RNF213: variants seen among roughly 807,000 people sequenced by gnomAD.
The protein encoded by RNF213 is E3 ubiquitin-protein ligase RNF213.
RNF213 carries 341 observed loss-of-function variants against 514.4 expected under a neutral mutation model. The observed-to-expected ratio is 0.66, with a 90% CI of 0.61 to 0.73. The LOEUF is 0.73. RNF213 is among the 30% of genes least tolerant of loss of function. The pLI is 0.00. For missense variants in RNF213, 5,767 were observed against 6,615.6 expected (o/e 0.87, Z 4.45); for synonymous variants, 2,655 against 2,658.2 (o/e 1.00, Z 0.04).
At position 80,383,761 on chromosome 17, in the gene RNF213, T is replaced by A; in HGVS notation, c.14155T>A (p.Tyr4719Asn). 6.2e-7 allele frequency: 1 copy of A among 1,613,958 alleles called. No homozygotes were observed. The highest frequency in any genetic ancestry group is 8.5e-7 in the Non-Finnish European group (1 of 1,180,004). Residue 4719 changes from tyrosine to asparagine, a missense_variant, in exon 59 of 68, where the codon TAT (tyrosine) becomes AAT (asparagine). Tyr to Asn is a moderately radical substitution (Grantham distance 143, BLOSUM62 -2). Transcript: ENST00000582970. ...CTCTAACCCTGTGGCCAAAATAATATATGGTGACCCAGTGACCTTCCTGCC... is the reference window on the plus strand; with the variant it reads ...CTCTAACCCTGTGGCCAAAATAATAAATGGTGACCCAGTGACCTTCCTGCC... ...ISSNPVAKII[Y>N]GDPVTFLPHL... is the part of the protein sequence containing the mutation.
rs540042327 is a variant in RNF213, at chr17:80,264,387, G to A, written c.97+609G>A. On this transcript the variant is annotated intron_variant, in intron 2 of 67. Transcript: ENST00000582970. This position sits in a 1 kb window ranked among gnomAD's most constrained non-coding sequence, Gnocchi z 5.0. Reference sequence around the variant, plus strand: ...GAGGCCAGTGGAGAGACAGGAGCGGGGCAGTGTCAGGCGGGCCTTGCCTGC... The same window carrying A: ...GAGGCCAGTGGAGAGACAGGAGCGGAGCAGTGTCAGGCGGGCCTTGCCTGC... Among the ~76,000 whole-genome samples, 11 of 152,206 alleles carry A rather than the reference G, an allele frequency of 7.2e-5. No homozygotes were observed. Among genetic ancestry groups the A allele is most frequent in the African/African-American group, 7.2e-5 (3 of 41,532 alleles).
chr17:80,377,202 C>A lies in RNF213; in HGVS notation c.13510+239C>A. 1.9e-6 allele frequency: 1 copy of A among 539,856 alleles called. No homozygotes were observed. The highest frequency in any genetic ancestry group is 2.0e-5 in the South Asian group (1 of 49,882). 33.4% of individuals were successfully genotyped at this position (539,856 alleles called of 1,614,324 possible). ...CGTGTGGAAAAGGCCCTCTGTGATG[C>A]ACTTCTGTTCTCTGGAATATGCCAT... On this transcript the variant is annotated intron_variant, in intron 53 of 67. Coordinates refer to ENST00000582970, the MANE Select transcript of RNF213 (RefSeq NM_001256071.3). This position sits in a 1 kb window ranked among gnomAD's most constrained non-coding sequence, Gnocchi z 4.1.
At chr17:80,354,306 G>C (rs774822007) in intron 35 of RNF213, 135 bp from the exon 36 acceptor site, 3 of 1,513,464 alleles carry the variant, frequency 2.0e-6, no homozygotes, top group Non-Finnish European at 1.8e-6. Flanking sequence ...GGGAATCTAA[G>C]AGCATCTCTC....
At position 80,289,827 on chromosome 17, in the gene RNF213, G is replaced by C; in HGVS notation, c.1102G>C (p.Val368Leu). 1 of 1,609,744 alleles carries C rather than the reference G, an allele frequency of 6.2e-7. No homozygotes were observed. The highest frequency in any genetic ancestry group is 8.5e-7 in the Non-Finnish European group (1 of 1,178,292). Residue 368 changes from valine (V) to leucine (L), a missense_variant, in exon 6 of 68, where the codon GTG becomes CTG. Transcript: ENST00000582970. ...QKNQEADVQE[V>L]KASTLSPGGG... Reference sequence around the variant, plus strand: ...AAACCAGGAAGCAGATGTCCAGGAAGTGAAGGCAAGGTAGGGATGCCCCCG... The same window carrying C: ...AAACCAGGAAGCAGATGTCCAGGAACTGAAGGCAAGGTAGGGATGCCCCCG...
At chr17:80,335,552 A>T (rs1487430705) in intron 22 of RNF213, among the ~76,000 whole-genome samples, 1 of 152,118 alleles carries the variant, frequency 6.6e-6, no homozygotes, top group East Asian at 1.9e-4. Flanking sequence ...TTTACAGCTG[A>T]GCCTTGGTTT....
At position 80,346,205 on chromosome 17, in the gene RNF213, G is replaced by A. The variant is rs780035705; in HGVS notation, c.7870G>A (p.Gly2624Ser). ...CACAGAAGTCCTCTGCGCCTCTCAG[G>A]GTTTCATGAGGAAAACAGAAGATGA... ...VITEVLCASQ[G>S]FMRKTEDECS... Residue 2624 changes from glycine to serine, a missense_variant, in exon 29 of 68, where the codon GGT (glycine) becomes AGT (serine). Physicochemically the swap from Gly to Ser is moderately conservative, Grantham distance 56. Transcript: ENST00000582970. The surrounding 1 kb of genome is among the most constrained non-coding windows in gnomAD (Gnocchi z 8.1). 2 of 1,614,034 alleles carry A rather than the reference G, an allele frequency of 1.2e-6. No homozygotes were observed. Among genetic ancestry groups the A allele is most frequent in the Non-Finnish European group, 1.7e-6 (2 of 1,180,042 alleles).
chr17:80,382,879 G>A (rs1297756276), intron 57 of RNF213, 100 bp from the exon 58 acceptor site: 6 of 750,566 alleles, frequency 8.0e-6, no homozygotes, highest in Non-Finnish European at 1.4e-5. Flanking sequence ...ACCTCAAAAC[G>A]AGTGTTATTT....
intron 14 of RNF213, among the ~76,000 whole-genome samples, chr17:80,310,614 G>A (rs1408650526): frequency 2.6e-5 from 4 of 151,416 alleles, no homozygotes; most frequent in East Asian, 1.9e-4. Flanking sequence ...GTGCAATGGC[G>A]TGATCTCGGC....
chr17:80,296,316 G>T (rs1390520996), intron 10 of RNF213, among the ~76,000 whole-genome samples: 4 of 152,176 alleles, frequency 2.6e-5, no homozygotes. Flanking sequence ...CACCGTGCTG[G>T]GTCTGAATAC....
chr17:80,328,549 C>T, intron 20 of RNF213, 72 bp downstream of exon 20: 1 of 1,449,326 alleles, frequency 6.9e-7, no homozygotes, highest in Non-Finnish European at 9.2e-7. Flanking sequence ...AAGAATGGAT[C>T]ACAGTAGCAG....
At chr17:80,298,117 G>A (rs764448109) in intron 10 of RNF213, among the ~76,000 whole-genome samples, 16 of 152,282 alleles carry the variant, frequency 1.1e-4, no homozygotes, top group Non-Finnish European at 1.9e-4. Context: ...TGGGGATTCG[G>A]TGAGGGCCTG....
chr17:80,291,673 T>A lies in RNF213; in HGVS notation c.1317T>A (p.Ile439=). The A allele has an allele frequency of 6.2e-7, 1 of 1,614,238 alleles. No individual in the cohort carries two copies. The highest frequency in any genetic ancestry group is 1.1e-5 in the South Asian group (1 of 91,090). The change falls in exon 8 of 68, where the codon ATT becomes ATA. Residue 439 remains isoleucine, a synonymous_variant. Transcript: ENST00000582970. ...DRVLVEGIVC[I]SKKHLDKYIP... ...TTCTTGTTGAAGGCATTGTCTGCAT[T>A]TCCAAGAAGCACCTAGATAAATACA...
intron 1 of RNF213, among the ~76,000 whole-genome samples, chr17:80,261,449 C>A (rs2043417587): frequency 6.6e-6 from 1 of 152,100 alleles, no homozygotes; most frequent in South Asian, 2.1e-4. Context: ...AGGGTGGGCA[C>A]CCCTCCCGGA....
intron 2 of RNF213, among the ~76,000 whole-genome samples, chr17:80,271,719 C>T (rs1352214417): frequency 6.6e-6 from 1 of 152,212 alleles, no homozygotes; most frequent in Non-Finnish European, 1.5e-5. Flanking sequence ...TGGCTCAAGC[C>T]TGTAATCCCA....
At chr17:80,336,444 A>G (rs747293119) in intron 23 of RNF213, 66 bp downstream of exon 23, 1 of 1,387,540 alleles carries the variant, frequency 7.2e-7, no homozygotes, top group African/African-American at 1.4e-5. Flanking sequence ...ACGTTAGGGC[A>G]GTGACTGTGG....
At position 80,289,786 on chromosome 17, in the gene RNF213, A is replaced by G. The variant is rs2044624364; in HGVS notation, c.1061A>G (p.Asn354Ser). The G allele has an allele frequency of 6.2e-7, 1 of 1,613,418 alleles. No homozygotes were observed. The highest frequency in any genetic ancestry group is 8.5e-7 in the Non-Finnish European group (1 of 1,179,840). ...GKNRSAAAVK[N>S]EKEQKNQEAD... ...AACAGAAGTGCAGCTGCTGTGAAAA[A>G]CGAGAAGGAGCAAAAAAACCAGGAA... The change falls in exon 6 of 68, where the codon AAC (asparagine) becomes AGC (serine). Residue 354 changes from asparagine to serine, a missense_variant. Physicochemically the swap from Asn to Ser is conservative, Grantham distance 46. Coordinates refer to ENST00000582970, the MANE Select transcript of RNF213 (RefSeq NM_001256071.3).
At position 80,386,909 on chromosome 17, in the gene RNF213, C is replaced by A; in HGVS notation, c.14922+18C>A. On this transcript the variant is annotated intron_variant, in intron 63 of 67. Transcript: ENST00000582970. Reference sequence around the variant, plus strand: ...GCCTCAAGGTAGGGCTGACTCCTGCCACTGCTGCTCATTTGGTGTGTCTGT... The same window carrying A: ...GCCTCAAGGTAGGGCTGACTCCTGCAACTGCTGCTCATTTGGTGTGTCTGT... 1 of 1,599,296 alleles carries A rather than the reference C, an allele frequency of 6.3e-7. No individual in the cohort carries two copies. The highest frequency in any genetic ancestry group is 1.1e-5 in the South Asian group (1 of 89,512).
At chr17:80,372,463 T>TG in intron 47 of RNF213, 58 bp from the exon 48 acceptor site, 1 of 1,260,366 alleles carries the variant, frequency 7.9e-7, no homozygotes, top group Non-Finnish European at 1.1e-6. Flanking sequence ...TGTAGAAGCT[T>TG]GGGGCATCCA....
rs144769597 is a variant in RNF213 at position 80,288,179 on chromosome 17, T to A, written c.626T>A (p.Ile209Asn). ...GAAGGGGAGGACCAGGACGCTTCCA[T>A]CCCCTCTGGGGGCAGAGGCCTGTCC... ...HTEGEDQDAS[I>N]PSGGRGLSQE... The change falls in exon 4 of 68, where the codon ATC becomes AAC. Residue 209 changes from isoleucine (I) to asparagine (N), a missense_variant. Physicochemically the swap from Ile to Asn is moderately radical, Grantham distance 149. Around this residue, in one of 13 missense-constraint regions of RNF213, gnomAD observed 509 missense variants for 496.7 expected, o/e 1.02. Transcript: ENST00000582970. The surrounding 1 kb of genome is among the most constrained non-coding windows in gnomAD (Gnocchi z 4.9). 2,789 of 1,611,966 alleles carry A rather than the reference T, an allele frequency of 1.7e-3. 2 individuals carry two copies. The highest frequency in any genetic ancestry group is 2.2e-3 in the Non-Finnish European group (2,585 of 1,178,982).
Sources: allele counts gnomAD v4.1 joint callset (sites outside exome capture counted in the v4.1 genomes callset), GRCh38; gene constraint gnomAD v4.1.1; regional missense constraint gnomAD v4.1.1; non-coding constraint Gnocchi (gnomAD v3.1); transcripts MANE v1.5; gene names NCBI Gene and HGNC (gene_info 2026-07-23, HGNC 2026-07-21).